SHISA9: variants seen among roughly 807,000 people sequenced by gnomAD.
SHISA9 encodes the protein protein shisa-9.
SHISA9 carries 13 observed loss-of-function variants against 38.0 expected under a neutral mutation model. The observed-to-expected ratio is 0.34, with a 90% confidence interval of 0.22 to 0.54. The LOEUF (loss-of-function observed/expected upper bound fraction) is 0.54. SHISA9 is among the 20% of genes least tolerant of loss of function. The probability of loss-of-function intolerance (pLI) is 0.91; values close to 1 mark genes in which losing one functional copy is unlikely to be tolerated. For synonymous variants in SHISA9, 275 were observed against 242.0 expected (o/e 1.14, Z -1.27); for missense variants, 538 against 575.8 (o/e 0.93, Z 0.67).
At chr16:13,105,743 A>G (rs2073920023) in intron 2 of SHISA9, among the ~76,000 whole-genome samples, 1 of 152,212 alleles carries the variant, frequency 6.6e-6, no homozygotes, top group African/African-American at 2.4e-5. Flanking sequence ...GAGAGCTGCC[A>G]GGGGCTGACA....
intron 2 of SHISA9, among the ~76,000 whole-genome samples, chr16:13,096,956 C>G (rs1442736149): frequency 6.6e-6 from 1 of 152,114 alleles, no homozygotes; most frequent in Non-Finnish European, 1.5e-5. Context: ...TCCTACTGGG[C>G]TCCATTTCTC....
At chr16:13,136,853 T>A (rs1470523027) in intron 2 of SHISA9, among the ~76,000 whole-genome samples, 3 of 152,168 alleles carry the variant, frequency 2.0e-5, no homozygotes, top group Non-Finnish European at 4.4e-5. Flanking sequence ...TAATGTCTCA[T>A]TGAAAGATGG....
the SHISA9 span, among the ~76,000 whole-genome samples, chr16:13,448,708 A>G: frequency 6.6e-6 from 1 of 152,238 alleles, no homozygotes; most frequent in Non-Finnish European, 1.5e-5. Flanking sequence ...ATCACAGGAA[A>G]ATAAGCCAGT....
Position 13,120,708 on chromosome 16 carries a change from G to C in SHISA9, c.692-82686G>C, listed in dbSNP as rs376512404. ...CCCAGGATGCCCCGAGCTGTGGGAA[G>C]GCTGTCTTCTTAGAGGAAGAATGCG... is the stretch of plus-strand genomic sequence containing the variant. On this transcript the variant is annotated intron_variant, in intron 2 of 4. Transcript: ENST00000558583. Among the ~76,000 whole-genome samples the C allele has an allele frequency of 8.5e-5, 13 of 152,280 alleles. No homozygotes were observed. In the South Asian group the frequency reaches 2.1e-3, roughly 24 times the overall value.
At chr16:12,995,048 T>A (rs11646847) in intron 2 of SHISA9, among the ~76,000 whole-genome samples, 1 of 151,914 alleles carries the variant, frequency 6.6e-6, no homozygotes, top group Non-Finnish European at 1.5e-5. Context: ...GCCAGTATTT[T>A]TTTTTTTAAA....
At chr16:13,345,870 C>G in the SHISA9 span, among the ~76,000 whole-genome samples, 3 of 152,070 alleles carry the variant, frequency 2.0e-5, no homozygotes, top group South Asian at 6.2e-4. Context: ...GGCTTGTTTT[C>G]CTATGATTGT....
chr16:13,206,277 A>C (rs113655010), intron 3 of SHISA9, among the ~76,000 whole-genome samples: 2,387 of 152,314 alleles, frequency 0.016, 58 homozygotes, highest in African/African-American at 0.055. Flanking sequence ...CTGGGCAGGC[A>C]GAAAACCCCA....
the SHISA9 span, among the ~76,000 whole-genome samples, chr16:13,247,574 G>A: frequency 1.3e-5 from 2 of 151,206 alleles, no homozygotes; most frequent in African/African-American, 4.9e-5. Context: ...AGTTACTGTG[G>A]TTAAATAAAT....
At chr16:12,919,839 G>A (rs1249024837) in intron 2 of SHISA9, among the ~76,000 whole-genome samples, 2 of 152,178 alleles carry the variant, frequency 1.3e-5, no homozygotes, top group Non-Finnish European at 1.5e-5. Context: ...AATCAAAAGG[G>A]CCTCAACCTC....
At chr16:13,345,660 C>T in the SHISA9 span, among the ~76,000 whole-genome samples, 1 of 152,026 alleles carries the variant, frequency 6.6e-6, no homozygotes. Context: ...ATCTTTAGGT[C>T]TTTGACGAAT....
At chr16:13,549,470 T>G in the SHISA9 span, among the ~76,000 whole-genome samples, 3 of 152,064 alleles carry the variant, frequency 2.0e-5, no homozygotes, top group Non-Finnish European at 2.9e-5. Context: ...AAACAAAAAA[T>G]ATATGCATCA....
rs760412298 is a variant in SHISA9, at chr16:13,082,070, A to G, written c.692-121324A>G. Among the ~76,000 whole-genome samples, 4 of 152,346 alleles carry G rather than the reference A, an allele frequency of 2.6e-5. No individual in the cohort carries two copies. The South Asian group carries it at 6.2e-4, about 24-fold the overall frequency. On this transcript the variant is annotated intron_variant, in intron 2 of 4. Transcript: ENST00000558583. ...CTCATTAAGTAACTGCTAAGGCAACAACGACTACAACAACAACAGAACCCC... is the reference window on the plus strand; with the variant it reads ...CTCATTAAGTAACTGCTAAGGCAACGACGACTACAACAACAACAGAACCCC...
chr16:13,147,664 C>T (rs112383400), intron 2 of SHISA9, among the ~76,000 whole-genome samples: 200 of 152,044 alleles, frequency 1.3e-3, no homozygotes, highest in African/African-American at 4.4e-3. Context: ...GGTTTCACCA[C>T]GTTGGCCAGG....
chr16:13,282,058 T>A, the SHISA9 span, among the ~76,000 whole-genome samples: 1 of 152,078 alleles, frequency 6.6e-6, no homozygotes, highest in South Asian at 2.1e-4. Context: ...AACAATATTT[T>A]ATATTAAATT....
At chr16:13,358,868 G>A in the SHISA9 span, among the ~76,000 whole-genome samples, 2 of 152,134 alleles carry the variant, frequency 1.3e-5, no homozygotes, top group African/African-American at 4.8e-5. Flanking sequence ...GGTGTTTTTA[G>A]GACCAAATAG....
chr16:13,504,792 A>G, the SHISA9 span, among the ~76,000 whole-genome samples: 4 of 152,314 alleles, frequency 2.6e-5, no homozygotes, highest in South Asian at 2.1e-4. Flanking sequence ...CATCATCTCT[A>G]TAAGAAGTAT....
At chr16:12,915,873 G>A (rs2017120) in intron 1 of SHISA9, among the ~76,000 whole-genome samples, 134,871 of 152,164 alleles carry the variant, frequency 0.89, 59,926 homozygotes, top group East Asian at 1. Context: ...ATATTCATAT[G>A]ATCTAAATAA....
chr16:13,038,136 T>C (rs1385855221), intron 2 of SHISA9, among the ~76,000 whole-genome samples: 1 of 152,140 alleles, frequency 6.6e-6, no homozygotes, highest in Non-Finnish European at 1.5e-5. Context: ...ATTACAGGTG[T>C]GCACCATCAT....
chr16:13,347,280 C>G, the SHISA9 span, among the ~76,000 whole-genome samples: 2,699 of 152,206 alleles, frequency 0.018, 81 homozygotes, highest in African/African-American at 0.062. Flanking sequence ...AGAACATTAT[C>G]TCCATTTTAT....
Sources: gnomAD v4.1 joint callset for allele counts (sites outside exome capture counted in the v4.1 genomes callset) on GRCh38, gnomAD v4.1.1 for gene constraint, MANE v1.5 for transcripts, NCBI Gene and HGNC (gene_info 2026-07-23, HGNC 2026-07-21) for gene names.